Variants in ZNF738 observed in about 807,000 individuals in gnomAD.
ZNF738 encodes protein ZNF738.
In ZNF738, 10 loss-of-function variants were observed where a neutral mutation model predicts 9.2. The ratio of observed to expected loss-of-function variants is 1.09; its 90% CI spans 0.67 to 1.85. The LOEUF (loss-of-function observed/expected upper bound fraction) is 1.85, where lower values mean the gene tolerates loss of function less well. ZNF738 is among the 40% of genes most tolerant of loss of function. ZNF738 has a pLI of 0.00. For missense variants in ZNF738, 346 were observed against 283.6 expected, an observed-to-expected ratio of 1.22 and a Z score of -1.58; for synonymous variants, 113 against 94.5, an observed-to-expected ratio of 1.20 and a Z score of -1.14.
chr19:21,371,095 C>T (rs1973850342), intron 2 of ZNF738, among the ~76,000 whole-genome samples: 1 of 152,164 alleles, frequency 6.6e-6, no homozygotes, highest in Admixed American at 6.5e-5. Flanking sequence ...CACAAAGTAT[C>T]CAGAGCCATA....
Position 21,383,507 on chromosome 19 carries a change from T to A in ZNF738, c.961T>A (p.Cys321Ser), listed in dbSNP as rs1974032055. 1.2e-6 allele frequency: 1 copy of A among 867,266 alleles called. No homozygotes were observed. Among genetic ancestry groups the A allele is most frequent in the Non-Finnish European group, 1.9e-6 (1 of 517,192 alleles). 53.7% of individuals were successfully genotyped at this position (867,266 alleles called of 1,614,324 possible). ...AGAGAAACCCTACAAATGTGAAGGA[T>A]GTGGCAAAGCTTTCTGCCAATTCTC... ...AGEKPYKCEGCGKAFCQFSYL... is the reference protein window; with the variant it reads ...AGEKPYKCEGSGKAFCQFSYL... Residue 321 changes from cysteine (C) to serine (S), a missense_variant, in exon 5 of 5, where the codon TGT (cysteine) becomes AGT (serine). Transcript: ENST00000683779.
At chr19:21,365,777 G>A (rs1973768038) in intron 2 of ZNF738, among the ~76,000 whole-genome samples, 1 of 151,966 alleles carries the variant, frequency 6.6e-6, no homozygotes, top group South Asian at 2.1e-4. Context: ...ACCAAATGAC[G>A]AAACCCTGTC....
chr19:21,383,098 C>T lies in ZNF738; in HGVS notation c.552C>T (p.Val184=). ...TTCAATGTGATAAATATGTGAAAGT[C>T]TTTCATAAATTTTTAAATTCAAATA... ...KIFQCDKYVK[V]FHKFLNSNTH... Residue 184 remains valine (V), a synonymous_variant, in exon 5 of 5, where the codon GTC becomes GTT. Coordinates refer to ENST00000683779, the MANE Select transcript of ZNF738 (RefSeq NM_001355237.2). 2 of 1,454,842 alleles carry T rather than the reference C, an allele frequency of 1.4e-6. No individual in the cohort carries two copies. The highest frequency in any genetic ancestry group is 1.9e-6 in the Non-Finnish European group (2 of 1,040,240). The allele number at this position is 1,454,842 out of a possible 1,614,324, so 90.1% of individuals were successfully genotyped here.
chr19:21,367,496 A>G (rs1210367044), intron 2 of ZNF738, among the ~76,000 whole-genome samples: 1 of 152,138 alleles, frequency 6.6e-6, no homozygotes, highest in Non-Finnish European at 1.5e-5. Context: ...TTCAAATGTT[A>G]GACATTGAGT....
intron 4 of ZNF738, chr19:21,377,522 A>C (rs1973945811): frequency 1.7e-6 from 1 of 575,492 alleles, no homozygotes; most frequent in Admixed American, 3.2e-5. Flanking sequence ...GCACACACAC[A>C]CACACACACA....
rs560915104 is a variant in ZNF738, at chr19:21,360,972, G to A, written c.4-794G>A. Among the ~76,000 whole-genome samples the A allele has an allele frequency of 1.9e-3, 282 of 150,698 alleles. 1 individual carries two copies. The highest frequency in any genetic ancestry group is 3.2e-3 in the Admixed American group (48 of 15,134). On this transcript the variant is annotated intron_variant, in intron 1 of 4. Coordinates refer to ENST00000683779, the MANE Select transcript of ZNF738 (RefSeq NM_001355237.2). Reference sequence around the variant, plus strand: ...TGGGTTTACAGGCATGCACCACCACGCCCAGCTGATTTTGTATTTTTAGAA... The same window carrying A: ...TGGGTTTACAGGCATGCACCACCACACCCAGCTGATTTTGTATTTTTAGAA...
chr19:21,377,714 G>A, intron 4 of ZNF738: 1 of 372,494 alleles, frequency 2.7e-6, no homozygotes, highest in Non-Finnish European at 4.8e-6. Context: ...TGCATGCAAT[G>A]TCTAAATCTA....
intron 2 of ZNF738, among the ~76,000 whole-genome samples, chr19:21,374,809 C>T (rs1449043383): frequency 6.6e-6 from 1 of 151,892 alleles, no homozygotes; most frequent in Non-Finnish European, 1.5e-5. Flanking sequence ...GAATCTCAGA[C>T]TTTATTTCAC....
At chr19:21,367,751 A>G (rs1036634634) in intron 2 of ZNF738, among the ~76,000 whole-genome samples, 1 of 152,126 alleles carries the variant, frequency 6.6e-6, no homozygotes, top group African/African-American at 2.4e-5. Flanking sequence ...AGCTGCCACC[A>G]CAGGATTCCC....
At chr19:21,381,157 G>A (rs1599720041) in intron 4 of ZNF738, 1 of 974,020 alleles carries the variant, frequency 1.0e-6, no homozygotes, top group Non-Finnish European at 1.6e-6. Flanking sequence ...CATGATTTCT[G>A]CAGTGAGCAC....
intron 2 of ZNF738, among the ~76,000 whole-genome samples, chr19:21,374,649 G>A (rs1011944859): frequency 9.2e-5 from 14 of 151,966 alleles, no homozygotes; most frequent in African/African-American, 3.1e-4. Flanking sequence ...CTTTGCATAT[G>A]TCTATCTTTA....
chr19:21,378,168 T>C (rs1001211642), intron 4 of ZNF738: 2 of 375,670 alleles, frequency 5.3e-6, no homozygotes, highest in African/African-American at 4.2e-5. Flanking sequence ...TATATTTTTA[T>C]ATGTATATTT....
chr19:21,382,381 G>A (rs992630398), intron 4 of ZNF738, among the ~76,000 whole-genome samples: 1 of 151,922 alleles, frequency 6.6e-6, no homozygotes, highest in Non-Finnish European at 1.5e-5. Context: ...TGGGACTACA[G>A]GCACACACCA....
In ZNF738 at chr19:21,384,163, A is replaced by G. The variant is rs540047551; in HGVS notation, c.*489A>G. On this transcript the variant is annotated 3_prime_UTR_variant, in exon 5 of 5. Coordinates refer to ENST00000683779, the MANE Select transcript of ZNF738 (RefSeq NM_001355237.2). ...ATGATTCATACTGTAGAGAAACGCT[A>G]CAAATGTGAGGAATGTGGCAAAGCT... is the stretch of plus-strand genomic sequence containing the variant. 15 of 1,455,416 alleles carry G rather than the reference A, an allele frequency of 1.0e-5. No individual in the cohort carries two copies. Among genetic ancestry groups the G allele is most frequent in the South Asian group, 2.3e-5 (2 of 87,874 alleles). The allele number at this position is 1,455,416 out of a possible 1,614,324, so 90.2% of individuals were successfully genotyped here. A position where few individuals can be genotyped will look rare whatever the true frequency, so the allele number is the denominator to read the frequency against.
In ZNF738 at chr19:21,383,917, G is replaced by A; in HGVS notation, c.*243G>A. 13 of 1,440,312 alleles carry A rather than the reference G, an allele frequency of 9.0e-6. No homozygotes were observed. The highest frequency in any genetic ancestry group is 1.3e-5 in the Non-Finnish European group (13 of 1,027,306). The allele number at this position is 1,440,312 out of a possible 1,614,324, so 89.2% of individuals were successfully genotyped here. A position where few individuals can be genotyped will look rare whatever the true frequency, so the allele number is the denominator to read the frequency against. On this transcript the variant is annotated 3_prime_UTR_variant, in exon 5 of 5. Transcript: ENST00000683779. The stretch of plus-strand genomic sequence containing the variant: ...CATACTGGAGAGAAACCCTACAAAT[G>A]TGAAGAATGTGGCAAAGCTTTTAAC...
In ZNF738 at chr19:21,387,751, T is replaced by TA. The variant is rs1974083676; in HGVS notation, c.*4078dup. 1.3e-5 allele frequency among the ~76,000 whole-genome samples: 2 copies of TA among 152,188 alleles called. No individual in the cohort carries two copies. The highest frequency in any genetic ancestry group is 1.3e-4 in the Admixed American group (2 of 15,276). On this transcript the variant is annotated 3_prime_UTR_variant, in exon 5 of 5. Transcript: ENST00000683779. Reference sequence around the variant, plus strand: ...ACCCTTTAAAGTGAAGAAGAGAATTTATATTGAAGATGGACATTACAAACA... The same window carrying TA: ...ACCCTTTAAAGTGAAGAAGAGAATTTAATATTGAAGATGGACATTACAAACA...
intron 2 of ZNF738, 25 bp from the exon 3 acceptor site, chr19:21,375,213 A>ATGTGTGTG (rs35659257): frequency 5.1e-5 from 43 of 839,332 alleles, no homozygotes; most frequent in East Asian, 4.1e-4. Flanking sequence ...ACTTGTAAAT[A>ATGTGTGTG]TGTGTGTGTG....
chr19:21,360,003 A>G (rs1222920510), intron 1 of ZNF738, among the ~76,000 whole-genome samples: 1 of 152,218 alleles, frequency 6.6e-6, no homozygotes, highest in Non-Finnish European at 1.5e-5. Context: ...TGTAAAATGC[A>G]TGATGAAGAA....
chr19:21,383,482 A>T lies in ZNF738; in HGVS notation c.936A>T (p.Gly312=). ...HLTKHKTIHA[G]EKPYKCEGCG... is the part of the protein sequence containing the mutation. ...CTAAACATAAGACAATTCATGCTGG[A>T]GAGAAACCCTACAAATGTGAAGGAT... is the stretch of plus-strand genomic sequence containing the variant. Residue 312 remains glycine (G), a synonymous_variant, in exon 5 of 5, where the codon GGA becomes GGT. Coordinates refer to ENST00000683779, the MANE Select transcript of ZNF738 (RefSeq NM_001355237.2). The T allele has an allele frequency of 1.2e-6, 1 of 800,294 alleles. No homozygotes were observed. Among genetic ancestry groups the T allele is most frequent in the Non-Finnish European group, 2.2e-6 (1 of 459,914 alleles). 49.6% of individuals were successfully genotyped at this position (800,294 alleles called of 1,614,324 possible). A position where few individuals can be genotyped will look rare whatever the true frequency, so the allele number is the denominator to read the frequency against.
Sources: gnomAD v4.1 joint callset for allele counts (sites outside exome capture counted in the v4.1 genomes callset) on GRCh38, gnomAD v4.1.1 for gene constraint, MANE v1.5 for transcripts, NCBI Gene and HGNC (gene_info 2026-07-23, HGNC 2026-07-21) for gene names.